Variants in NBPF12 observed in about 807,000 individuals in gnomAD.
The protein encoded by NBPF12 is NBPF family member NBPF12.
NBPF12 carries 115 observed loss-of-function variants against 146.4 expected under a neutral mutation model. That is an observed-to-expected ratio of 0.79 (90% CI 0.68 to 0.92). The LOEUF is 0.92. Among genes scored for constraint, NBPF12 ranks in the 40% least tolerant of loss-of-function variants. The pLI, the probability that NBPF12 is intolerant of heterozygous loss-of-function variation, is 0.00. For missense variants in NBPF12, 1,205 were observed against 1,326.8 expected, an observed-to-expected ratio of 0.91 and a Z score of 1.43; for synonymous variants, 385 against 508.9, an observed-to-expected ratio of 0.76 and a Z score of 3.28.
rs1329856058 is a variant in NBPF12, at chr1:146,971,216, T to C, written c.1413T>C (p.Pro471=). The change falls in exon 13 of 34, where the codon CCT becomes CCC. Residue 471 remains proline (P), a synonymous_variant. Transcript: ENST00000617844. The stretch of plus-strand genomic sequence containing the variant: ...AGAAGGCTGAAGAAAGCAAAGTCCC[T>C]GAGGACTCACTGGAGGAATGTGCCA... 2.5e-6 allele frequency: 4 copies of C among 1,611,846 alleles called. 1 individual carries two copies. The African/African-American group carries it at 5.4e-5, about 22-fold the overall frequency.
At chr1:146,960,405 T>G (rs1349785124) in intron 4 of NBPF12, 87 bp downstream of exon 7, 6 of 772,266 alleles carry the variant, frequency 7.8e-6, no homozygotes, top group South Asian at 3.0e-5. Flanking sequence ...CCATCAAAAA[T>G]AATTTCATCC....
At chr1:146,994,575 A>G (rs112665386) in exon 34 of NBPF12, 1 of 1,608,946 alleles carries the variant, frequency 6.2e-7, no homozygotes, top group Non-Finnish European at 8.5e-7. Flanking sequence ...TCCCACAATA[A>G]GCAGCCCTTA....
intron 9 of NBPF12, among the ~76,000 whole-genome samples, chr1:146,967,693 GCTTGT>G (rs1656295321): frequency 2.7e-5 from 4 of 149,870 alleles, no homozygotes; most frequent in Admixed American, 6.7e-5. Flanking sequence ...CATCCAAGGT[GCTTGT>G]CTTGTCTGTC....
chr1:146,994,112 C>G (rs1658361410), intron 33 of NBPF12, among the ~76,000 whole-genome samples: 1 of 115,416 alleles, frequency 8.7e-6, no homozygotes, highest in African/African-American at 4.1e-5. Flanking sequence ...CTGTCTCTGT[C>G]TCTGTCTCTG....
exon 22 of NBPF12, chr1:146,984,872 G>C (rs1175359460): frequency 2.5e-6 from 4 of 1,569,070 alleles, no homozygotes; most frequent in Admixed American, 1.7e-5. Flanking sequence ...TCACTGGATA[G>C]ATGTTATTCA....
chr1:146,984,474 G>C (rs1553888329), intron 21 of NBPF12, among the ~76,000 whole-genome samples: 1 of 148,764 alleles, frequency 6.7e-6, no homozygotes, highest in Non-Finnish European at 1.5e-5. Context: ...TTGAGGCCAT[G>C]CTTTTCATGA....
upstream of NBPF12, among the ~76,000 whole-genome samples, chr1:146,948,075 A>G (rs1207039353): frequency 2.0e-5 from 3 of 152,034 alleles, no homozygotes; most frequent in African/African-American, 7.2e-5. Flanking sequence ...CAACGGCGCC[A>G]TCTCAGCTCA....
chr1:146,962,102 G>A (rs1202315322), intron 4 of NBPF12, 59 bp from the exon 8 acceptor site: 237,180 of 1,555,672 alleles, frequency 0.15, 20,075 homozygotes, highest in Admixed American at 0.34. Flanking sequence ...CCTGTAGGCA[G>A]TGACCACAGC....
exon 34 of NBPF12, chr1:146,994,631 T>C: frequency 6.3e-7 from 1 of 1,585,950 alleles, no homozygotes; most frequent in Non-Finnish European, 8.6e-7. Flanking sequence ...TATAGGCACC[T>C]GAAGATTTGA....
upstream of NBPF12, among the ~76,000 whole-genome samples, chr1:146,947,597 A>C (rs1243289808): frequency 9.0e-4 from 107 of 118,934 alleles, 11 homozygotes; most frequent in African/African-American, 3.4e-3. Flanking sequence ...CCATCAGCAG[A>C]GTTCTACTTC....
chr1:146,949,267 G>A (rs1238726332), upstream of NBPF12: 22 of 148,420 alleles, frequency 1.5e-4, no homozygotes, highest in African/African-American at 4.5e-4. Flanking sequence ...AACGAGAAAC[G>A]CCCACAGGTG....
At chr1:146,944,844 TTCTC>T (rs1198327763), upstream of NBPF12, among the ~76,000 whole-genome samples, 420 of 149,680 alleles carry the variant, frequency 2.8e-3, 1 homozygote, top group Non-Finnish European at 2.9e-3. Flanking sequence ...CCCACTCTCT[TTCTC>T]TCTCTCATTC....
exon 34 of NBPF12, chr1:146,995,563 G>A (rs1470976376): frequency 5.9e-5 from 9 of 151,684 alleles, no homozygotes; most frequent in African/African-American, 2.2e-4. Context: ...TGGTGACATG[G>A]ACTTGTTTAT....
At chr1:146,964,847 C>G in intron 7 of NBPF12, 46 bp from the exon 11 acceptor site, 1 of 1,584,302 alleles carries the variant, frequency 6.3e-7, no homozygotes, top group East Asian at 2.2e-5. Context: ...GGTCCAATCC[C>G]TCTGTGTTTA....
intron 14 of NBPF12, 99 bp from the exon 18 acceptor site, chr1:146,974,640 G>T (rs1656870517): frequency 2.1e-6 from 1 of 487,772 alleles, no homozygotes; most frequent in Non-Finnish European, 3.3e-6. Flanking sequence ...ACTGTGGAGA[G>T]TTTTGTCCTT....
intron 2 of NBPF12, among the ~76,000 whole-genome samples, chr1:146,953,396 G>T (rs1655408618): frequency 1.4e-5 from 2 of 139,436 alleles, no homozygotes; most frequent in African/African-American, 2.8e-5. Flanking sequence ...TGACTGGGGG[G>T]AGATTGGATC....
chr1:146,941,027 A>G (rs1654777753), intron 1 of NBPF12, among the ~76,000 whole-genome samples: 1 of 151,920 alleles, frequency 6.6e-6, no homozygotes, highest in South Asian at 2.1e-4. Context: ...CTCTTTTTTC[A>G]ATCTGCAGCT....
intron 1 of NBPF12, among the ~76,000 whole-genome samples, chr1:146,940,575 C>G (rs1358555655): frequency 2.0e-4 from 30 of 146,856 alleles, no homozygotes; most frequent in African/African-American, 7.1e-4. Flanking sequence ...AAAAAAAGTA[C>G]AGGTCATGAG....
intron 1 of NBPF12, among the ~76,000 whole-genome samples, chr1:146,950,510 CTTAG>C (rs1387667880): frequency 4.6e-5 from 7 of 151,702 alleles, no homozygotes; most frequent in South Asian, 4.2e-4. Context: ...GCAGGAGTTT[CTTAG>C]TTAGGATCCA....
Sources: gnomAD v4.1 joint callset for allele counts (sites outside exome capture counted in the v4.1 genomes callset) on GRCh38, gnomAD v4.1.1 for gene constraint, MANE v1.5 for transcripts, NCBI Gene and HGNC (gene_info 2026-07-23, HGNC 2026-07-21) for gene names.